Variants in MIB1 observed in about 807,000 individuals in gnomAD.
MIB1 encodes MIB E3 ubiquitin protein ligase 1.
A neutral mutation model predicts 124.5 loss-of-function variants in MIB1; 278 were observed. That is an observed-to-expected ratio of 2.23 (90% CI 2.02 to 2.47). The LOEUF (loss-of-function observed/expected upper bound fraction) is 2.47, where lower values mean the gene tolerates loss of function less well. Among genes scored for constraint, MIB1 ranks in the 30% most tolerant of loss-of-function variants. The probability of loss-of-function intolerance (pLI) is 0.00; values close to 1 mark genes in which losing one functional copy is unlikely to be tolerated. For synonymous variants in MIB1, 446 were observed against 429.4 expected (o/e 1.04, Z -0.48); for missense variants, 957 against 1,254.4 (o/e 0.76, Z 3.58).
At chr18:21,852,851 G>C (rs2042193209) in intron 17 of MIB1, among the ~76,000 whole-genome samples, 1 of 151,974 alleles carries the variant, frequency 6.6e-6, no homozygotes, top group South Asian at 2.1e-4. Context: ...AAAAAATATT[G>C]AAGCCTCCAG....
chr18:21,854,771 C>G (rs1390321800), intron 18 of MIB1: 1 of 163,506 alleles, frequency 6.1e-6, no homozygotes, highest in Admixed American at 6.2e-5. Flanking sequence ...ATTGGTCGTG[C>G]TGACACTTTT....
At chr18:21,768,984 A>T (rs954765571) in intron 3 of MIB1, among the ~76,000 whole-genome samples, 5 of 152,126 alleles carry the variant, frequency 3.3e-5, no homozygotes, top group Non-Finnish European at 5.9e-5. Flanking sequence ...TTCAGGTTTC[A>T]TATTGTCATT....
At chr18:21,723,593 G>A (rs1427812775) in intron 1 of MIB1, among the ~76,000 whole-genome samples, 2 of 151,904 alleles carry the variant, frequency 1.3e-5, no homozygotes, top group Non-Finnish European at 2.9e-5. Context: ...TCGGCTCACT[G>A]CAACCTCCGC....
intron 19 of MIB1, 111 bp downstream of exon 19, chr18:21,857,354 C>A: frequency 1.4e-6 from 1 of 695,762 alleles, no homozygotes; most frequent in South Asian, 1.6e-5. Context: ...AGATGTCTGA[C>A]TTGGATCCAC....
At chr18:21,773,092 C>T (rs942967591) in intron 3 of MIB1, among the ~76,000 whole-genome samples, 1 of 151,986 alleles carries the variant, frequency 6.6e-6, no homozygotes, top group African/African-American at 2.4e-5. Flanking sequence ...ATGGTGAAAC[C>T]CCATCTCTAC....
intron 10 of MIB1, among the ~76,000 whole-genome samples, chr18:21,809,263 G>T (rs977402612): frequency 3.9e-5 from 6 of 152,040 alleles, no homozygotes; most frequent in Non-Finnish European, 8.8e-5. Flanking sequence ...AGATTGAATC[G>T]ATAGTTGAAA....
At chr18:21,715,460 A>G (rs574918668) in intron 1 of MIB1, among the ~76,000 whole-genome samples, 133 of 152,314 alleles carry the variant, frequency 8.7e-4, no homozygotes, top group Admixed American at 2.1e-3. Context: ...AAGTTTTTCA[A>G]CACCTCCAAA....
At chr18:21,817,734 T>C in intron 11 of MIB1, 1 of 420,218 alleles carries the variant, frequency 2.4e-6, no homozygotes, top group Admixed American at 2.5e-5. Context: ...GTGTTGGAGA[T>C]GAAGCTGGGT....
intron 11 of MIB1, among the ~76,000 whole-genome samples, 157 bp from the exon 12 acceptor site, chr18:21,819,338 C>CT (rs2041858942): frequency 6.6e-6 from 1 of 152,212 alleles, no homozygotes; most frequent in African/African-American, 2.4e-5. Flanking sequence ...CATGCCCAGC[C>CT]TTTGCCTATA....
At chr18:21,830,706 A>T (rs1043950149) in intron 12 of MIB1, 1 of 152,100 alleles carries the variant, frequency 6.6e-6, no homozygotes, top group Non-Finnish European at 1.5e-5. Context: ...TCTCATCTTG[A>T]TTGTTCGTTC....
chr18:21,819,923 T>C (rs1474676750), intron 12 of MIB1, among the ~76,000 whole-genome samples: 1 of 152,214 alleles, frequency 6.6e-6, no homozygotes, highest in Admixed American at 6.5e-5. Flanking sequence ...AAATGCATTT[T>C]ATTTTGAGAT....
At position 21,790,439 on chromosome 18, in the gene MIB1, A is replaced by G. The variant is rs1309037592; in HGVS notation, c.909-935A>G. On this transcript the variant is annotated intron_variant, in intron 6 of 20. Coordinates refer to ENST00000261537, the MANE Select transcript of MIB1 (RefSeq NM_020774.4). The stretch of plus-strand genomic sequence containing the variant: ...TAGCAGTTAAATTGAATTAAGGTCT[A>G]TTCAATTTAGGTCTGTATTCTTAGA... Among the ~76,000 whole-genome samples the G allele has an allele frequency of 3.9e-5, 6 of 152,332 alleles. No individual in the cohort carries two copies. In the East Asian group the frequency reaches 7.7e-4, roughly 20 times the overall value.
chr18:21,753,509 A>G (rs1270743853), intron 1 of MIB1, among the ~76,000 whole-genome samples: 1 of 152,012 alleles, frequency 6.6e-6, no homozygotes, highest in Non-Finnish European at 1.5e-5. Flanking sequence ...TTTTTGTTAA[A>G]TGAGATGAGA....
intron 12 of MIB1, 47 bp from the exon 13 acceptor site, chr18:21,838,318 T>C: frequency 7.3e-7 from 1 of 1,367,616 alleles, no homozygotes; most frequent in Non-Finnish European, 9.9e-7. Flanking sequence ...TTCTTTTGAG[T>C]ATATCAAATT....
Position 21,866,178 on chromosome 18 carries a change from A to G in MIB1, c.*1512A>G, listed in dbSNP as rs2042320086. 6.6e-6 allele frequency: 1 copy of G among 152,324 alleles called. No individual in the cohort carries two copies. The highest frequency in any genetic ancestry group is 1.5e-5 in the Non-Finnish European group (1 of 68,016). 9.4% of individuals were successfully genotyped at this position (152,324 alleles called of 1,614,324 possible). A position where few individuals can be genotyped will look rare whatever the true frequency, so the allele number is the denominator to read the frequency against. ...TAGAACACCAACTAAATTTGAAAGT[A>G]TGAAGTCTCTAGCCCTCTTACACTG... On this transcript the variant is annotated 3_prime_UTR_variant, in exon 21 of 21. Coordinates refer to ENST00000261537, the MANE Select transcript of MIB1 (RefSeq NM_020774.4).
At chr18:21,783,952 A>G (rs1305662571) in intron 6 of MIB1, among the ~76,000 whole-genome samples, 3 of 151,766 alleles carry the variant, frequency 2.0e-5, no homozygotes. Flanking sequence ...GATGTTGCCC[A>G]GGCTGGTCTT....
chr18:21,848,966 T>TG (rs998894022), intron 16 of MIB1, among the ~76,000 whole-genome samples: 3 of 152,140 alleles, frequency 2.0e-5, no homozygotes, highest in Non-Finnish European at 4.4e-5. Flanking sequence ...CCTTTTCCAT[T>TG]GGGTGAGTGA....
At chr18:21,855,594 C>G (rs192292070) in intron 18 of MIB1, among the ~76,000 whole-genome samples, 1 of 152,164 alleles carries the variant, frequency 6.6e-6, no homozygotes, top group South Asian at 2.1e-4. Context: ...CTTGTATAAC[C>G]GAGCGTCAGA....
intron 11 of MIB1, among the ~76,000 whole-genome samples, chr18:21,818,139 A>G (rs909641966): frequency 1.3e-5 from 2 of 152,186 alleles, no homozygotes; most frequent in African/African-American, 4.8e-5. Flanking sequence ...AAACGCTTAG[A>G]TTAATGTTTC....
Sources: gnomAD v4.1 joint callset for allele counts (sites outside exome capture counted in the v4.1 genomes callset) on GRCh38, gnomAD v4.1.1 for gene constraint, MANE v1.5 for transcripts, NCBI Gene and HGNC (gene_info 2026-07-23, HGNC 2026-07-21) for gene names.